The following TWNK variants were observed in gnomAD, a reference collection of about 807,000 sequenced individuals.
TWNK encodes the protein T7 gp4-like protein with intramitochondrial nucleoid localization.
Under a neutral mutation model 58.2 loss-of-function variants are expected in TWNK, and 36 were observed. The ratio of observed to expected loss-of-function variants is 0.62; its 90% CI spans 0.47 to 0.82. TWNK has a LOEUF of 0.82. TWNK is among the 40% of genes least tolerant of loss of function. TWNK has a pLI of 0.00. For missense variants in TWNK, 714 were observed against 881.0 expected (o/e 0.81, Z 2.40); for synonymous variants, 349 against 348.5 (o/e 1.00, Z -0.02).
At chr10:100,992,497 G>A (rs987398182) in intron 4 of TWNK, among the ~76,000 whole-genome samples, 1 of 139,138 alleles carries the variant, frequency 7.2e-6, no homozygotes, top group African/African-American at 2.6e-5. Context: ...TTACAGGCGT[G>A]AGCCACCGTG....
chr10:100,988,184 G>A lies in TWNK; in HGVS notation c.-27G>A. 1 of 1,613,528 alleles carries A rather than the reference G, an allele frequency of 6.2e-7. No homozygotes were observed. The stretch of plus-strand genomic sequence containing the variant: ...TAACCAGGCACCTAAGGCATTTCAA[G>A]TAGTGACTTCCCACATTTGGCTAGG... On this transcript the variant is annotated 5_prime_UTR_variant, in exon 1 of 5. Coordinates refer to ENST00000311916, the MANE Select transcript of TWNK (RefSeq NM_021830.5). This position sits in a 1 kb window ranked among gnomAD's most constrained non-coding sequence, Gnocchi z 5.2.
chr10:100,989,452 A>G lies in TWNK; in HGVS notation c.1242A>G (p.Thr414=). ...GAAAGGGCGAGCTGACGGTCTTCACAGGTAACCCTTTGAGAAATCACTACT... is the reference window on the plus strand; with the variant it reads ...GAAAGGGCGAGCTGACGGTCTTCACGGGTAACCCTTTGAGAAATCACTACT... ...GHRKGELTVF[T]GPTGSGKTTF... Residue 414 remains threonine, a splice_region_variant and synonymous_variant, in exon 1 of 5, where the codon ACA becomes ACG. Coordinates refer to ENST00000311916, the MANE Select transcript of TWNK (RefSeq NM_021830.5). The surrounding 1 kb of genome is among the most constrained non-coding windows in gnomAD (Gnocchi z 7.6). 3.1e-6 allele frequency: 5 copies of G among 1,613,762 alleles called. No individual in the cohort carries two copies. Among genetic ancestry groups the G allele is most frequent in the Non-Finnish European group, 4.2e-6 (5 of 1,180,028 alleles).
Position 100,991,025 on chromosome 10 carries a change from G to C in TWNK, c.1734+15G>C. 6.2e-7 allele frequency: 1 copy of C among 1,614,122 alleles called. No homozygotes were observed. The highest frequency in any genetic ancestry group is 8.5e-7 in the Non-Finnish European group (1 of 1,179,952). On this transcript the variant is annotated intron_variant, in intron 4 of 4. Coordinates refer to ENST00000311916, the MANE Select transcript of TWNK (RefSeq NM_021830.5). ...GCTCAGCCAAAGTGAGTGGCCTTTAGCGGAGCTCAAGCTTTGGAAAATAGA... is the reference window on the plus strand; with the variant it reads ...GCTCAGCCAAAGTGAGTGGCCTTTACCGGAGCTCAAGCTTTGGAAAATAGA...
Position 100,987,888 on chromosome 10 carries a change from G to C in TWNK, c.-323G>C. On this transcript the variant is annotated 5_prime_UTR_variant, in exon 1 of 5. Coordinates refer to ENST00000311916, the MANE Select transcript of TWNK (RefSeq NM_021830.5). ...TGTGGAGGAGCAGTAGAGGTGAGAA[G>C]ATGATGCAAAGAAACTGTGTCAGTG... is the stretch of plus-strand genomic sequence containing the variant. 1 of 599,710 alleles carries C rather than the reference G, an allele frequency of 1.7e-6. No homozygotes were observed. The allele number at this position is 599,710 out of a possible 1,614,324, so 37.1% of individuals were successfully genotyped here.
rs863223923 is a variant in TWNK, at chr10:100,990,461, G to A, written c.1510G>A (p.Ala504Thr). The change falls in exon 3 of 5, where the codon GCA (alanine) becomes ACA (threonine). Residue 504 changes from alanine to threonine, a missense_variant. By Grantham distance (58) the Ala-to-Thr change is moderately conservative (BLOSUM62 0). Coordinates refer to ENST00000311916, the MANE Select transcript of TWNK (RefSeq NM_021830.5). ...IRTVIDTMQH[A>T]VYVYDICHVI... Reference sequence around the variant, plus strand: ...GACTGTAATAGATACAATGCAACATGCAGTCTACGTCTATGACATTTGTCA... The same window carrying A: ...GACTGTAATAGATACAATGCAACATACAGTCTACGTCTATGACATTTGTCA... 3 of 1,613,872 alleles carry A rather than the reference G, an allele frequency of 1.9e-6. No individual in the cohort carries two copies. Among genetic ancestry groups the A allele is most frequent in the African/African-American group, 2.7e-5 (2 of 74,912 alleles).
In TWNK at chr10:100,989,708, G is replaced by A. The variant is rs772857969; in HGVS notation, c.1308G>A (p.Gly436=). 7 of 1,614,118 alleles carry A rather than the reference G, an allele frequency of 4.3e-6. No homozygotes were observed. In the East Asian group the frequency reaches 6.7e-5, roughly 15 times the overall value. Residue 436 remains glycine, a synonymous_variant, in exon 2 of 5, where the codon GGG becomes GGA. Transcript: ENST00000311916. This position sits in a 1 kb window ranked among gnomAD's most constrained non-coding sequence, Gnocchi z 7.6. ...ATGCCCTGGATTTGTGTTCCCAGGGGGTGAACACACTGTGGGGTAGCTTCG... is the reference window on the plus strand; with the variant it reads ...ATGCCCTGGATTTGTGTTCCCAGGGAGTGAACACACTGTGGGGTAGCTTCG... ...SEYALDLCSQ[G]VNTLWGSFEI...
rs189427818 is a variant in TWNK at position 100,992,921 on chromosome 10, G to T, written c.1735-269G>T. On this transcript the variant is annotated intron_variant, in intron 4 of 4. Transcript: ENST00000311916. ...CCTGCCTCAGCCTCCCAAGAAGCTGGGACTATAGGTGCATGCCACCATGCC... is the reference window on the plus strand; with the variant it reads ...CCTGCCTCAGCCTCCCAAGAAGCTGTGACTATAGGTGCATGCCACCATGCC... 4.2e-3 allele frequency among the ~76,000 whole-genome samples: 644 copies of T among 152,214 alleles called. 5 individuals carry two copies. The highest frequency in any genetic ancestry group is 0.015 in the African/African-American group (627 of 41,536).
Position 100,990,427 on chromosome 10 carries a change from T to A in TWNK, c.1485-9T>A, listed in dbSNP as rs776361589. ...AACTTGTCAAATTCCTTGCCTTTCC[T>A]CTTCCCAGGACTGTAATAGATACAA... On this transcript the variant is annotated splice_polypyrimidine_tract_variant and intron_variant, in intron 2 of 4. Coordinates refer to ENST00000311916, the MANE Select transcript of TWNK (RefSeq NM_021830.5). 14 of 1,609,736 alleles carry A rather than the reference T, an allele frequency of 8.7e-6. No homozygotes were observed. Among genetic ancestry groups the A allele is most frequent in the Non-Finnish European group, 1.1e-5 (13 of 1,176,162 alleles).
Position 100,993,312 on chromosome 10 carries a change from T to C in TWNK, c.1857T>C (p.Leu619=), listed in dbSNP as rs1250837289. The C allele has an allele frequency of 2.4e-5, 38 of 1,614,122 alleles. No individual in the cohort carries two copies. Among genetic ancestry groups the C allele is most frequent in the Non-Finnish European group, 3.1e-5 (37 of 1,180,048 alleles). Reference sequence around the variant, plus strand: ...ATGGAGATGTAGGTGTCTTCCCGCTTGAGTTCAACAAGAACTCCCTCACCT... The same window carrying C: ...ATGGAGATGTAGGTGTCTTCCCGCTCGAGTTCAACAAGAACTCCCTCACCT... ...RFDGDVGVFP[L]EFNKNSLTFS... is the part of the protein sequence containing the mutation. Residue 619 remains leucine, a synonymous_variant, in exon 5 of 5, where the codon CTT becomes CTC. Coordinates refer to ENST00000311916, the MANE Select transcript of TWNK (RefSeq NM_021830.5).
chr10:100,987,777 G>A lies in TWNK; in HGVS notation c.-434G>A. On this transcript the variant is annotated 5_prime_UTR_variant, in exon 1 of 5. Transcript: ENST00000311916. ...GTCCCAGTGAGGGGAAGGAGAAGCG[G>A]AAGAGGGTCTCTAGTCGGGGCCTAG... is the stretch of plus-strand genomic sequence containing the variant. The A allele has an allele frequency of 1.7e-6, 1 of 583,644 alleles. No individual in the cohort carries two copies. The highest frequency in any genetic ancestry group is 3.0e-6 in the Non-Finnish European group (1 of 330,560). 36.2% of individuals were successfully genotyped at this position (583,644 alleles called of 1,614,324 possible).
intron 4 of TWNK, among the ~76,000 whole-genome samples, chr10:100,992,920 G>T (rs1483429938): frequency 6.6e-6 from 1 of 152,140 alleles, no homozygotes; most frequent in South Asian, 2.1e-4. Flanking sequence ...CCAAGAAGCT[G>T]GGACTATAGG....
chr10:100,991,409 C>T (rs1356396854), intron 4 of TWNK, among the ~76,000 whole-genome samples: 6 of 152,182 alleles, frequency 3.9e-5, no homozygotes, highest in Non-Finnish European at 2.9e-5. Flanking sequence ...ATTAGACAAT[C>T]AGATAAATGT....
rs1851769907 is a variant in TWNK at position 100,991,380 on chromosome 10, G to A, written c.1734+370G>A. On this transcript the variant is annotated intron_variant, in intron 4 of 4. Transcript: ENST00000311916. ...GAGGTGACAACAAAGGTTGGGTTGA[G>A]GTTTGGTAGACAATGGGTATTAGAC... 3 of 351,558 alleles carry A rather than the reference G, an allele frequency of 8.5e-6. No individual in the cohort carries two copies. The Admixed American group carries it at 1.3e-4, about 15-fold the overall frequency. The allele number at this position is 351,558 out of a possible 1,614,324, so 21.8% of individuals were successfully genotyped here. A position where few individuals can be genotyped will look rare whatever the true frequency, so the allele number is the denominator to read the frequency against.
At chr10:100,990,599 A>G in intron 3 of TWNK, 56 bp downstream of exon 3, 1 of 1,612,612 alleles carries the variant, frequency 6.2e-7, no homozygotes, top group East Asian at 2.2e-5. Flanking sequence ...TACAACACAC[A>G]CTTCTCAGGC....
intron 2 of TWNK, 144 bp downstream of exon 2, chr10:100,990,028 A>T: frequency 8.4e-7 from 1 of 1,187,486 alleles, no homozygotes; most frequent in Non-Finnish European, 1.2e-6. Context: ...GCAGGGCTGG[A>T]CACACTGGCT....
chr10:100,989,312 G>A lies in TWNK; in HGVS notation c.1102G>A (p.Val368Ile), dbSNP rs17113613. 0.021 allele frequency: 34,410 copies of A among 1,614,092 alleles called. 866 individuals are homozygous for A. The highest frequency in any genetic ancestry group is 0.12 in the African/African-American group (9,352 of 75,002). The change falls in exon 1 of 5, where the codon GTA (valine) becomes ATA (isoleucine). Residue 368 changes from valine to isoleucine, a missense_variant. Transcript: ENST00000311916. This position sits in a 1 kb window ranked among gnomAD's most constrained non-coding sequence, Gnocchi z 7.6. ...CCTGCCTGCCTGGCACAAGTCCATC[G>A]TATCTTTCCGGCAGCTTCGGGAGGA... ...TALPAWHKSI[V>I]SFRQLREEVL... is the part of the protein sequence containing the mutation.
Position 100,988,844 on chromosome 10 carries a change from G to A in TWNK, c.634G>A (p.Gly212Arg), listed in dbSNP as rs117140867. Residue 212 changes from glycine to arginine, a missense_variant, in exon 1 of 5, where the codon GGG (glycine) becomes AGG (arginine). By Grantham distance (125) the Gly-to-Arg change is moderately radical. Coordinates refer to ENST00000311916, the MANE Select transcript of TWNK (RefSeq NM_021830.5). This position sits in a 1 kb window ranked among gnomAD's most constrained non-coding sequence, Gnocchi z 5.2. ...RSLVFPWFSP[G>R]GSGLRGLKLL... ...TCTTGTCTTCCCTTGGTTCTCCCCT[G>A]GGGGCTCAGGATTACGAGGCCTGAA... 7.4e-6 allele frequency: 12 copies of A among 1,614,170 alleles called. No individual in the cohort carries two copies. The East Asian group carries it at 2.7e-4, about 36-fold the overall frequency.
At chr10:100,990,377 C>A (rs1222962407) in intron 2 of TWNK, 59 bp from the exon 3 acceptor site, 1 of 1,235,624 alleles carries the variant, frequency 8.1e-7, no homozygotes, top group Non-Finnish European at 1.2e-6. Context: ...GATGCTAGTT[C>A]TTCTGCCTGG....
rs767785693 is a variant in TWNK, at chr10:100,990,445, A to T, written c.1494A>T (p.Ile498=). ...FHGQQSIRTV[I]DTMQHAVYVY... is the part of the protein sequence containing the mutation. The stretch of plus-strand genomic sequence containing the variant: ...CCTTTCCTCTTCCCAGGACTGTAAT[A>T]GATACAATGCAACATGCAGTCTACG... Residue 498 remains isoleucine (I), a synonymous_variant, in exon 3 of 5, where the codon ATA becomes ATT. Transcript: ENST00000311916. 3.1e-6 allele frequency: 5 copies of T among 1,613,602 alleles called. No individual in the cohort carries two copies. In the Admixed American group the frequency reaches 8.3e-5, roughly 27 times the overall value.
Sources: allele counts gnomAD v4.1 joint callset (sites outside exome capture counted in the v4.1 genomes callset), GRCh38; gene constraint gnomAD v4.1.1; non-coding constraint Gnocchi (gnomAD v3.1); transcripts MANE v1.5; gene names NCBI Gene and HGNC (gene_info 2026-07-23, HGNC 2026-07-21).